SNRPN: variants seen among roughly 807,000 people sequenced by gnomAD.
The protein encoded by SNRPN is small nuclear ribonucleoprotein polypeptide N, also known as small nuclear ribonucleoprotein-associated protein N.
Under a neutral mutation model 25.2 loss-of-function variants are expected in SNRPN, and 7 were observed. The observed-to-expected ratio is 0.28, with a 90% CI of 0.16 to 0.52. The LOEUF is 0.52. Ranked by LOEUF, SNRPN falls within the 20% of genes least tolerant of loss-of-function variation. The probability of loss-of-function intolerance (pLI) is 0.96; values close to 1 mark genes in which losing one functional copy is unlikely to be tolerated. For missense variants in SNRPN, 196 were observed against 322.5 expected, an observed-to-expected ratio of 0.61 and a Z score of 3.00; for synonymous variants, 124 against 110.6, an observed-to-expected ratio of 1.12 and a Z score of -0.76.
chr15:24,926,975 C>T (rs1381362826), intron 3 of SNRPN, among the ~76,000 whole-genome samples: 2 of 152,092 alleles, frequency 1.3e-5, no homozygotes, highest in African/African-American at 2.4e-5. Flanking sequence ...CACACCACTG[C>T]ACTCCAGCCT....
intron 2 of SNRPN, among the ~76,000 whole-genome samples, chr15:24,831,047 G>A (rs750173680): frequency 2.0e-5 from 3 of 151,874 alleles, no homozygotes; most frequent in East Asian, 1.9e-4. Context: ...CGATAATAGC[G>A]GATTCATCTA....
chr15:24,906,753 C>T (rs2058831222), intron 2 of SNRPN, among the ~76,000 whole-genome samples: 1 of 152,136 alleles, frequency 6.6e-6, no homozygotes, highest in Non-Finnish European at 1.5e-5. Context: ...TGCCTATTAT[C>T]AGAGGTCATT....
chr15:24,830,357 T>C (rs147793550), intron 2 of SNRPN, among the ~76,000 whole-genome samples: 2 of 152,148 alleles, frequency 1.3e-5, no homozygotes, highest in East Asian at 3.9e-4. Flanking sequence ...CTATCCTACT[T>C]AACTTTGGAC....
chr15:24,958,486 GTTTTTTTTTTT>G lies in SNRPN; in HGVS notation c.-391+3448_-391+3458del, dbSNP rs71127030. ...ATTTCTGGATGCTAGCTGGCTCAAAGTTTTTTTTTTTTTTTTTTTTTTTTTTTTTTTTTTAA... is the reference window on the plus strand; with the variant it reads ...ATTTCTGGATGCTAGCTGGCTCAAAGTTTTTTTTTTTTTTTTTTTTTTTAA... On this transcript the variant is annotated intron_variant, in intron 1 of 9. Coordinates refer to ENST00000390687, the MANE Select transcript of SNRPN (RefSeq NM_003097.6). Among the ~76,000 whole-genome samples the G allele has an allele frequency of 9.8e-4, 64 of 65,302 alleles. 1 individual carries two copies. Among genetic ancestry groups the G allele is most frequent in the South Asian group, 4.0e-3 (4 of 992 alleles). 42.8% of individuals were successfully genotyped at this position (65,302 alleles called of 152,430 possible). A position where few individuals can be genotyped will look rare whatever the true frequency, so the allele number is the denominator to read the frequency against.
Position 24,975,342 on chromosome 15 carries a change from G to T in SNRPN, c.4-16G>T. 1 of 1,609,282 alleles carries T rather than the reference G, an allele frequency of 6.2e-7. No individual in the cohort carries two copies. On this transcript the variant is annotated splice_polypyrimidine_tract_variant and intron_variant, in intron 4 of 9. Coordinates refer to ENST00000390687, the MANE Select transcript of SNRPN (RefSeq NM_003097.6). ...TGTTGGCAAGCTGAACATGACTCTT[G>T]TCTTACTGCTTCTAGACTGTTGGCA...
intron 3 of SNRPN, among the ~76,000 whole-genome samples, chr15:24,928,513 A>G (rs2060570213): frequency 6.6e-6 from 1 of 152,126 alleles, no homozygotes; most frequent in South Asian, 2.1e-4. Flanking sequence ...GACCTCATAG[A>G]AGTAGAGAGT....
At chr15:24,972,698 T>C (rs2076577469) in intron 3 of SNRPN, among the ~76,000 whole-genome samples, 1 of 152,108 alleles carries the variant, frequency 6.6e-6, no homozygotes, top group Non-Finnish European at 1.5e-5. Context: ...CAAGACCCTT[T>C]ACAATTCTGG....
chr15:24,846,595 T>C (rs1018944996), intron 2 of SNRPN, among the ~76,000 whole-genome samples: 12 of 152,272 alleles, frequency 7.9e-5, no homozygotes, highest in Admixed American at 3.9e-4. Flanking sequence ...AATTTATGAT[T>C]GAATAAAGTA....
At chr15:24,901,388 C>CTCTA (rs1490208190) in intron 2 of SNRPN, among the ~76,000 whole-genome samples, 1 of 152,146 alleles carries the variant, frequency 6.6e-6, no homozygotes, top group East Asian at 1.9e-4. Flanking sequence ...ATTGTTTGAT[C>CTCTA]TCTATATCAA....
chr15:24,885,687 C>G (rs886566106), intron 1 of SNRPN, among the ~76,000 whole-genome samples: 5 of 147,592 alleles, frequency 3.4e-5, no homozygotes, highest in Non-Finnish European at 7.4e-5. Context: ...CTGATGAGAA[C>G]GAAGGATTTT....
Position 24,977,111 on chromosome 15 carries a change from A to G in SNRPN, c.420+82A>G, listed in dbSNP as rs145894886. On this transcript the variant is annotated intron_variant, in intron 7 of 9. Transcript: ENST00000390687. Reference sequence around the variant, plus strand: ...CGAGGAGATTTAAAAACCTAAGTGTATGTGTCATACAATGTAAACAGCATA... The same window carrying G: ...CGAGGAGATTTAAAAACCTAAGTGTGTGTGTCATACAATGTAAACAGCATA... 372 of 1,140,826 alleles carry G rather than the reference A, an allele frequency of 3.3e-4. 3 individuals are homozygous for G. The African/African-American group carries it at 5.2e-3, about 16-fold the overall frequency. The allele number at this position is 1,140,826 out of a possible 1,614,324, so 70.7% of individuals were successfully genotyped here.
chr15:24,968,693 A>C (rs1423786862), intron 3 of SNRPN: 2 of 152,246 alleles, frequency 1.3e-5, no homozygotes, highest in Non-Finnish European at 2.9e-5. Flanking sequence ...TGAGTATTAG[A>C]GAATCTAAAT....
intron 2 of SNRPN, among the ~76,000 whole-genome samples, chr15:24,894,918 G>C (rs940852349): frequency 6.6e-6 from 1 of 152,158 alleles, no homozygotes; most frequent in Admixed American, 6.5e-5. Flanking sequence ...ATTAATGAGA[G>C]AAAATCATGC....
intron 1 of SNRPN, among the ~76,000 whole-genome samples, chr15:24,885,212 C>G (rs1039227706): frequency 1.3e-5 from 2 of 152,052 alleles, no homozygotes. Flanking sequence ...ATCCTTGCAC[C>G]GGTAGCCTAG....
At chr15:24,866,628 C>T (rs2054595131) in intron 1 of SNRPN, among the ~76,000 whole-genome samples, 1 of 152,130 alleles carries the variant, frequency 6.6e-6, no homozygotes, top group Admixed American at 6.6e-5. Context: ...TACAATAGAT[C>T]TCTTGAAATT....
chr15:24,886,930 T>G (rs2057250407), intron 2 of SNRPN, among the ~76,000 whole-genome samples: 1 of 152,144 alleles, frequency 6.6e-6, no homozygotes, highest in Admixed American at 6.6e-5. Context: ...TCCTCTTTAC[T>G]TAGGACCCTA....
rs572237558 is a variant in SNRPN at position 24,845,955 on chromosome 15, A to G, written c.-579+16050A>G. On this transcript the variant is annotated intron_variant, in intron 2 of 12. Transcript: ENST00000400100. ...CAAAAATTAGCCGAGCGTGGTGGCA[A>G]GCGCCTGTAATCCCAGCTACTCAGG... Among the ~76,000 whole-genome samples the G allele has an allele frequency of 4.4e-4, 67 of 151,286 alleles. 1 individual carries two copies. The South Asian group carries it at 0.014, about 31-fold the overall frequency.
chr15:24,889,958 G>C (rs1485670617), intron 2 of SNRPN, among the ~76,000 whole-genome samples: 1 of 150,010 alleles, frequency 6.7e-6, no homozygotes, highest in Non-Finnish European at 1.5e-5. Context: ...ACTGAGGCAG[G>C]AGAATGGCTT....
At chr15:24,905,390 T>A (rs1424831669) in intron 2 of SNRPN, among the ~76,000 whole-genome samples, 1 of 150,980 alleles carries the variant, frequency 6.6e-6, no homozygotes, top group Admixed American at 6.6e-5. Context: ...GCGCCTGTAG[T>A]CTTAGCAGCT....
Sources: allele counts gnomAD v4.1 joint callset (sites outside exome capture counted in the v4.1 genomes callset), GRCh38; gene constraint gnomAD v4.1.1; transcripts MANE v1.5; gene names NCBI Gene and HGNC (gene_info 2026-07-23, HGNC 2026-07-21).